The following NNMT variants were observed in gnomAD, a reference collection of about 807,000 sequenced individuals.
NNMT encodes nicotinamide N-methyltransferase.
NNMT carries 10 observed loss-of-function variants against 11.7 expected under a neutral mutation model. That is an observed-to-expected ratio of 0.85 (90% CI 0.53 to 1.45). The LOEUF is 1.45. Ranked by LOEUF, NNMT falls within the 40% of genes most tolerant of loss-of-function variation. NNMT has a pLI of 0.00. For synonymous variants in NNMT, 143 were observed against 133.8 expected (o/e 1.07, Z -0.48); for missense variants, 381 against 319.4 (o/e 1.19, Z -1.47).
In NNMT at chr11:114,296,639, G is replaced by A; in HGVS notation, c.83G>A (p.Gly28Asp). 1 of 1,614,136 alleles carries A rather than the reference G, an allele frequency of 6.2e-7. No homozygotes were observed. Among genetic ancestry groups the A allele is most frequent in the Non-Finnish European group, 8.5e-7 (1 of 1,180,020 alleles). Residue 28 changes from glycine to aspartate, a missense_variant, in exon 1 of 3, where the codon GGT (glycine) becomes GAT (aspartate). Gly to Asp is a moderately conservative substitution (Grantham distance 94, BLOSUM62 -1). Transcript: ENST00000299964. ...RDYLEKYYKFGSRHSAESQIL... is the reference protein window; with the variant it reads ...RDYLEKYYKFDSRHSAESQIL... ...TACCTAGAAAAATATTACAAGTTTG[G>A]TTCTAGGCACTCTGCAGAAAGCCAG... is the stretch of plus-strand genomic sequence containing the variant.
upstream of NNMT, among the ~76,000 whole-genome samples, chr11:114,295,419 C>CTTTTTTTTTTTTTTTTTTTTT: frequency 1.2e-5 from 1 of 85,048 alleles, no homozygotes; most frequent in Non-Finnish European, 2.2e-5. Context: ...TTAAAGAATT[C>CTTTTTTTTTTTTTTTTTTTTT]TTTTTTTTTT....
intron 2 of NNMT, 151 bp from the exon 3 acceptor site, chr11:114,311,894 C>T: frequency 1.5e-6 from 1 of 688,828 alleles, no homozygotes; most frequent in Admixed American, 3.1e-5. Flanking sequence ...GCCAAAATGA[C>T]CCCTCAGTTC....
intron 2 of NNMT, among the ~76,000 whole-genome samples, chr11:114,277,209 C>T (rs1255030999): frequency 6.6e-6 from 1 of 151,870 alleles, no homozygotes; most frequent in African/African-American, 2.4e-5. Flanking sequence ...GGCGACATAG[C>T]AAGACTCTGT....
intron 2 of NNMT, among the ~76,000 whole-genome samples, chr11:114,266,675 G>A (rs1346666375): frequency 6.6e-6 from 1 of 152,168 alleles, no homozygotes; most frequent in African/African-American, 2.4e-5. Flanking sequence ...AAGTTTATGT[G>A]TTGGAAACTT....
At chr11:114,269,531 C>G (rs1249723173) in intron 2 of NNMT, 1 of 152,250 alleles carries the variant, frequency 6.6e-6, no homozygotes, top group Non-Finnish European at 1.5e-5. Flanking sequence ...ATTTTCAGCT[C>G]AGTTTTCTAC....
chr11:114,273,594 C>G (rs150763790), intron 2 of NNMT, among the ~76,000 whole-genome samples: 9 of 152,280 alleles, frequency 5.9e-5, no homozygotes, highest in African/African-American at 2.2e-4. Context: ...AATCCCAACA[C>G]TTTGGGAGGC....
chr11:114,261,443 G>A (rs560827716), intron 1 of NNMT, among the ~76,000 whole-genome samples: 112 of 152,316 alleles, frequency 7.4e-4, no homozygotes, highest in Non-Finnish European at 1.4e-3. Context: ...AATTAGCCGG[G>A]TGTGGTGGTG....
At chr11:114,260,983 C>G (rs1945075485) in intron 1 of NNMT, among the ~76,000 whole-genome samples, 1 of 152,228 alleles carries the variant, frequency 6.6e-6, no homozygotes, top group Non-Finnish European at 1.5e-5. Flanking sequence ...CCCACCCATC[C>G]TCAGGACAAT....
chr11:114,263,386 A>T (rs1005963299), intron 2 of NNMT, among the ~76,000 whole-genome samples: 1 of 152,022 alleles, frequency 6.6e-6, no homozygotes, highest in African/African-American at 2.4e-5. Flanking sequence ...CCTTCCCTTC[A>T]CCAGACACTC....
upstream of NNMT, chr11:114,295,852 G>T (rs570636342): frequency 1.6e-4 from 25 of 152,424 alleles, no homozygotes; most frequent in African/African-American, 5.8e-4. Flanking sequence ...GGCAGTGGTC[G>T]GTGAAGCTGC....
chr11:114,290,062 C>G (rs373916979), intron 2 of NNMT, among the ~76,000 whole-genome samples: 4 of 152,294 alleles, frequency 2.6e-5, no homozygotes, highest in African/African-American at 9.6e-5. Flanking sequence ...AGGCCTCTAC[C>G]TTCATGACCT....
intron 2 of NNMT, among the ~76,000 whole-genome samples, chr11:114,266,127 G>C (rs1418479540): frequency 6.6e-6 from 1 of 152,036 alleles, no homozygotes; most frequent in Non-Finnish European, 1.5e-5. Context: ...TTCTTCTCGG[G>C]AAATTGTCAG....
At chr11:114,281,511 A>G (rs1945263187) in intron 2 of NNMT, among the ~76,000 whole-genome samples, 1 of 152,172 alleles carries the variant, frequency 6.6e-6, no homozygotes, top group Admixed American at 6.5e-5. Flanking sequence ...ACTATTAAAG[A>G]TAAAAGAATT....
intron 2 of NNMT, among the ~76,000 whole-genome samples, chr11:114,266,661 C>A (rs1435511735): frequency 2.0e-5 from 3 of 152,138 alleles, no homozygotes; most frequent in African/African-American, 7.2e-5. Context: ...AATGTGTCCC[C>A]CAGAAGTTTA....
intron 2 of NNMT, among the ~76,000 whole-genome samples, chr11:114,300,854 C>T (rs1390853464): frequency 6.6e-6 from 1 of 152,174 alleles, no homozygotes; most frequent in Non-Finnish European, 1.5e-5. Flanking sequence ...CCTTCCTATG[C>T]TTGCTGTTTT....
chr11:114,263,826 C>T (rs2135241564), intron 2 of NNMT, among the ~76,000 whole-genome samples: 1 of 152,296 alleles, frequency 6.6e-6, no homozygotes, highest in South Asian at 2.1e-4. Flanking sequence ...CTACAAGTGG[C>T]AAGCAACTGA....
chr11:114,281,351 G>A (rs943179329), intron 2 of NNMT, among the ~76,000 whole-genome samples: 8 of 152,134 alleles, frequency 5.3e-5, no homozygotes, highest in Admixed American at 1.3e-4. Flanking sequence ...CCTTCTAGTG[G>A]ACAAGTGGCC....
intron 1 of NNMT, among the ~76,000 whole-genome samples, chr11:114,261,388 C>A (rs544884506): frequency 5.9e-5 from 9 of 152,256 alleles, no homozygotes; most frequent in African/African-American, 2.2e-4. Context: ...TTGAGACCAG[C>A]CTGGCCAACA....
At chr11:114,286,008 A>G (rs1427194032) in intron 2 of NNMT, among the ~76,000 whole-genome samples, 1 of 152,194 alleles carries the variant, frequency 6.6e-6, no homozygotes, top group East Asian at 1.9e-4. Context: ...ATTGGAAAGA[A>G]AAGCTTGGAA....
Sources: allele counts gnomAD v4.1 joint callset (sites outside exome capture counted in the v4.1 genomes callset), GRCh38; gene constraint gnomAD v4.1.1; transcripts MANE v1.5; gene names NCBI Gene and HGNC (gene_info 2026-07-23, HGNC 2026-07-21).